ADGRB3: variants seen among roughly 807,000 people sequenced by gnomAD.
ADGRB3 encodes adhesion G protein-coupled receptor B3.
Under a neutral mutation model 193.4 loss-of-function variants are expected in ADGRB3, and 37 were observed. That is an observed-to-expected ratio of 0.19 (90% CI 0.15 to 0.25). ADGRB3 has a LOEUF of 0.25. ADGRB3 is among the 10% of genes least tolerant of loss of function. The pLI is 1.00. For synonymous variants in ADGRB3, 690 were observed against 644.2 expected (o/e 1.07, Z -1.08); for missense variants, 1,637 against 1,852.9 (o/e 0.88, Z 2.14).
chr6:69,336,410 A>ATT (rs35946396), intron 24 of ADGRB3, among the ~76,000 whole-genome samples: 5,559 of 148,328 alleles, frequency 0.037, 326 homozygotes, highest in African/African-American at 0.12. Context: ...ATTTCATGTG[A>ATT]TTTTTTTTTT....
At chr6:69,048,581 G>A (rs981851610) in intron 14 of ADGRB3, among the ~76,000 whole-genome samples, 3 of 151,980 alleles carry the variant, frequency 2.0e-5, no homozygotes, top group Admixed American at 6.6e-5. Context: ...GTTTGACATG[G>A]TCAAGTTTCA....
chr6:68,858,688 C>A (rs1296727050), intron 3 of ADGRB3, among the ~76,000 whole-genome samples: 1 of 151,902 alleles, frequency 6.6e-6, no homozygotes, highest in Non-Finnish European at 1.5e-5. Context: ...AGAGCCATTA[C>A]CTTTGATAAG....
chr6:68,673,679 A>C (rs1319146896), intron 3 of ADGRB3, among the ~76,000 whole-genome samples: 2 of 152,192 alleles, frequency 1.3e-5, no homozygotes, highest in African/African-American at 4.8e-5. Flanking sequence ...CCTTAATTTC[A>C]GAGATGATAA....
At chr6:68,668,914 A>G (rs1013979280) in intron 3 of ADGRB3, among the ~76,000 whole-genome samples, 1 of 151,990 alleles carries the variant, frequency 6.6e-6, no homozygotes, top group East Asian at 1.9e-4. Context: ...ACAATAAGGA[A>G]AACTTTATAA....
chr6:68,914,966 A>T (rs533729271), intron 3 of ADGRB3, among the ~76,000 whole-genome samples: 1 of 152,158 alleles, frequency 6.6e-6, no homozygotes, highest in Non-Finnish European at 1.5e-5. Context: ...GATTATAAAA[A>T]CCCAGAGCAT....
Position 68,646,431 on chromosome 6 carries a change from C to G in ADGRB3, c.757+6999C>G, listed in dbSNP as rs12660998. ...GGAGGAGGTTGCAGTGAGCAGAGATCGGGCCACTGCACTCCAGCCTGGCCA... is the reference window on the plus strand; with the variant it reads ...GGAGGAGGTTGCAGTGAGCAGAGATGGGGCCACTGCACTCCAGCCTGGCCA... On this transcript the variant is annotated intron_variant, in intron 3 of 31. Transcript: ENST00000370598. Among the ~76,000 whole-genome samples, 314 of 143,406 alleles carry G rather than the reference C, an allele frequency of 2.2e-3. 8 individuals are homozygous for G. In the East Asian group the frequency reaches 0.055, roughly 25 times the overall value. The allele number at this position is 143,406 out of a possible 152,430, so 94.1% of individuals were successfully genotyped here.
At chr6:68,999,072 A>C (rs1769482567) in intron 11 of ADGRB3, among the ~76,000 whole-genome samples, 1 of 152,216 alleles carries the variant, frequency 6.6e-6, no homozygotes, top group South Asian at 2.1e-4. Flanking sequence ...AGATGTTAAA[A>C]TTGTAAAAAC....
intron 3 of ADGRB3, among the ~76,000 whole-genome samples, chr6:68,815,152 A>C (rs1767604509): frequency 6.6e-6 from 1 of 152,092 alleles, no homozygotes; most frequent in Non-Finnish European, 1.5e-5. Flanking sequence ...ATCAGGCAGG[A>C]ATGCTTTGTT....
intron 3 of ADGRB3, among the ~76,000 whole-genome samples, chr6:68,923,046 G>A (rs1285610285): frequency 6.6e-6 from 1 of 152,090 alleles, no homozygotes; most frequent in African/African-American, 2.4e-5. Context: ...TGGAATTAGA[G>A]TTATTTTAGA....
chr6:69,170,164 T>C (rs1031031478), intron 17 of ADGRB3, among the ~76,000 whole-genome samples: 1 of 152,154 alleles, frequency 6.6e-6, no homozygotes, highest in African/African-American at 2.4e-5. Context: ...CTGAACTGAT[T>C]TGAGACACTC....
chr6:69,267,806 A>G (rs1041142975), intron 20 of ADGRB3, among the ~76,000 whole-genome samples: 1 of 152,122 alleles, frequency 6.6e-6, no homozygotes, highest in Non-Finnish European at 1.5e-5. Flanking sequence ...TCAGAGGAGT[A>G]AGAGACTTAT....
chr6:69,245,655 A>G (rs1275416049), intron 20 of ADGRB3, among the ~76,000 whole-genome samples: 1 of 151,940 alleles, frequency 6.6e-6, no homozygotes, highest in Non-Finnish European at 1.5e-5. Flanking sequence ...CTTCACCCCA[A>G]CCCCACCTGA....
intron 17 of ADGRB3, among the ~76,000 whole-genome samples, chr6:69,168,958 C>A (rs756671565): frequency 4.6e-5 from 7 of 151,682 alleles, no homozygotes; most frequent in Non-Finnish European, 8.8e-5. Flanking sequence ...TTTATTCTTG[C>A]TTTATAATAT....
chr6:68,814,299 G>C (rs1049987182), intron 3 of ADGRB3, among the ~76,000 whole-genome samples: 1 of 152,168 alleles, frequency 6.6e-6, no homozygotes, highest in Non-Finnish European at 1.5e-5. Context: ...GCATTTCTCT[G>C]ATGGCCAGTG....
intron 17 of ADGRB3, among the ~76,000 whole-genome samples, chr6:69,221,018 C>G (rs1765882531): frequency 6.6e-6 from 1 of 152,002 alleles, no homozygotes; most frequent in Admixed American, 6.6e-5. Flanking sequence ...GTCTCCACAC[C>G]ACACTTGAGC....
intron 17 of ADGRB3, among the ~76,000 whole-genome samples, chr6:69,216,569 G>A (rs909369818): frequency 1.3e-5 from 2 of 152,194 alleles, no homozygotes; most frequent in African/African-American, 4.8e-5. Context: ...AGAATCCACT[G>A]TGAGTGACCT....
chr6:68,966,225 T>C (rs553544639), intron 8 of ADGRB3, among the ~76,000 whole-genome samples: 2 of 152,296 alleles, frequency 1.3e-5, no homozygotes, highest in African/African-American at 2.4e-5. Context: ...TGAATTAATC[T>C]ACATCCTATG....
intron 18 of ADGRB3, among the ~76,000 whole-genome samples, chr6:69,234,174 T>G (rs1413894178): frequency 6.6e-6 from 1 of 152,156 alleles, no homozygotes; most frequent in African/African-American, 2.4e-5. Flanking sequence ...CAATTTGATG[T>G]GCATATTTGA....
chr6:68,819,592 G>A (rs780871737), intron 3 of ADGRB3, among the ~76,000 whole-genome samples: 4 of 151,906 alleles, frequency 2.6e-5, no homozygotes, highest in African/African-American at 4.8e-5. Flanking sequence ...CAGCTGCTGC[G>A]GAGTATTTCT....
Sources: gnomAD v4.1 joint callset for allele counts (sites outside exome capture counted in the v4.1 genomes callset) on GRCh38, gnomAD v4.1.1 for gene constraint, MANE v1.5 for transcripts, NCBI Gene and HGNC (gene_info 2026-07-23, HGNC 2026-07-21) for gene names.